Variants in MAP3K13 observed in about 807,000 individuals in gnomAD.
MAP3K13 encodes the protein leucine zipper-bearing kinase.
MAP3K13 carries 52 observed loss-of-function variants against 104.0 expected under a neutral mutation model. That is an observed-to-expected ratio of 0.50 (90% CI 0.40 to 0.63). The LOEUF (loss-of-function observed/expected upper bound fraction) is 0.63. Among genes scored for constraint, MAP3K13 ranks in the 20% least tolerant of loss-of-function variants. The pLI, the probability that MAP3K13 is intolerant of heterozygous loss-of-function variation, is 0.00. For synonymous variants in MAP3K13, 394 were observed against 442.2 expected (o/e 0.89, Z 1.37); for missense variants, 914 against 1,218.5 (o/e 0.75, Z 3.72).
intron 1 of MAP3K13, among the ~76,000 whole-genome samples, chr3:185,384,730 C>T (rs1188073729): frequency 1.3e-5 from 2 of 152,106 alleles, no homozygotes; most frequent in African/African-American, 2.4e-5. Context: ...TTCATATACC[C>T]ATTTGCTATT....
chr3:185,289,567 C>G (rs879488141), intron 2 of MAP3K13, among the ~76,000 whole-genome samples: 1 of 152,050 alleles, frequency 6.6e-6, no homozygotes, highest in Non-Finnish European at 1.5e-5. Context: ...AGACACAATT[C>G]TGATAGGCTT....
At chr3:185,300,128 C>G (rs1721048973) in intron 2 of MAP3K13, among the ~76,000 whole-genome samples, 1 of 151,378 alleles carries the variant, frequency 6.6e-6, no homozygotes, top group South Asian at 2.1e-4. Flanking sequence ...GTTCGTTTCA[C>G]TTAACACAGT....
intron 2 of MAP3K13, among the ~76,000 whole-genome samples, chr3:185,321,326 A>T (rs755578522): frequency 6.6e-6 from 1 of 152,226 alleles, no homozygotes; most frequent in Non-Finnish European, 1.5e-5. Context: ...GTATTGATTG[A>T]GGCTCAATGC....
intron 1 of MAP3K13, among the ~76,000 whole-genome samples, chr3:185,415,349 G>C (rs1285777016): frequency 6.6e-6 from 1 of 151,326 alleles, no homozygotes; most frequent in African/African-American, 2.4e-5. Flanking sequence ...ATAGAGATGG[G>C]GTTTTCTCAT....
intron 11 of MAP3K13, among the ~76,000 whole-genome samples, chr3:185,476,791 T>C (rs1718158373): frequency 6.6e-6 from 1 of 152,220 alleles, no homozygotes; most frequent in Non-Finnish European, 1.5e-5. Context: ...CAATTTTGTA[T>C]GCAGTATTGT....
intron 9 of MAP3K13, 124 bp from the exon 10 acceptor site, chr3:185,466,701 TA>T (rs758909645): frequency 2.0e-5 from 23 of 1,148,516 alleles, no homozygotes; most frequent in Non-Finnish European, 2.9e-5. Flanking sequence ...TAAACCTGAA[TA>T]GCAGTCTTGT....
intron 1 of MAP3K13, among the ~76,000 whole-genome samples, chr3:185,378,687 A>G (rs888370459): frequency 6.6e-6 from 1 of 152,144 alleles, no homozygotes; most frequent in African/African-American, 2.4e-5. Flanking sequence ...TGGAGACTGA[A>G]GGAACAGACA....
At chr3:185,335,595 G>A (rs558214948) in intron 2 of MAP3K13, among the ~76,000 whole-genome samples, 81 of 152,100 alleles carry the variant, frequency 5.3e-4, no homozygotes, top group African/African-American at 1.8e-3. Context: ...TTGGTTCCAC[G>A]ACCTCCTAGG....
At chr3:185,428,225 T>C (rs551599007) in intron 1 of MAP3K13, among the ~76,000 whole-genome samples, 1 of 152,294 alleles carries the variant, frequency 6.6e-6, no homozygotes, top group East Asian at 1.9e-4. Context: ...TCTTTTTTCT[T>C]GTATGTATGT....
chr3:185,466,775 A>T, intron 9 of MAP3K13, 51 bp from the exon 10 acceptor site: 1 of 1,608,244 alleles, frequency 6.2e-7, no homozygotes, highest in South Asian at 1.1e-5. Flanking sequence ...TATTCTGCCT[A>T]TCCTTTCTGT....
chr3:185,474,126 C>T (rs1266953040), intron 11 of MAP3K13, among the ~76,000 whole-genome samples: 1 of 152,012 alleles, frequency 6.6e-6, no homozygotes, highest in African/African-American at 2.4e-5. Flanking sequence ...AGTTCGAGAC[C>T]ATCCTGGCCA....
At chr3:185,341,284 A>G (rs1195760348) in intron 2 of MAP3K13, among the ~76,000 whole-genome samples, 1 of 152,204 alleles carries the variant, frequency 6.6e-6, no homozygotes, top group East Asian at 1.9e-4. Context: ...TATAGAGAAG[A>G]GGACCATGTA....
chr3:185,293,338 A>C (rs962645614), intron 2 of MAP3K13, among the ~76,000 whole-genome samples: 41 of 150,686 alleles, frequency 2.7e-4, no homozygotes, highest in African/African-American at 9.1e-4. Flanking sequence ...GGCTGGTCTC[A>C]AATTCCTGAC....
rs1560122176 is a variant in MAP3K13 at position 185,457,138 on chromosome 3, G to GC, written c.1278+5743_1278+5744insC. Among the ~76,000 whole-genome samples the GC allele has an allele frequency of 2.0e-5, 3 of 152,006 alleles. No homozygotes were observed. The East Asian group carries it at 5.8e-4, about 29-fold the overall frequency. ...TGTGCAGGGCAGCTAAGTTGCCACA[G>GC]TCGGGTTCCTCACCTGAACCGCTCC... On this transcript the variant is annotated intron_variant, in intron 7 of 13. Coordinates refer to ENST00000265026, the MANE Select transcript of MAP3K13 (RefSeq NM_004721.5).
At chr3:185,324,799 C>G (rs936793328) in intron 2 of MAP3K13, among the ~76,000 whole-genome samples, 1 of 96,726 alleles carries the variant, frequency 1.0e-5, no homozygotes, top group Non-Finnish European at 2.5e-5. Context: ...CACTAAGAAC[C>G]GGCACAATTA....
At chr3:185,471,032 G>A (rs928820380) in intron 10 of MAP3K13, among the ~76,000 whole-genome samples, 16 of 152,070 alleles carry the variant, frequency 1.1e-4, no homozygotes, top group African/African-American at 3.6e-4. Flanking sequence ...GAAATGAGAA[G>A]GAGCCAAATC....
chr3:185,291,418 T>C (rs185187624), intron 2 of MAP3K13, among the ~76,000 whole-genome samples: 98 of 152,348 alleles, frequency 6.4e-4, no homozygotes, highest in African/African-American at 2.2e-3. Flanking sequence ...AATGAACATA[T>C]TCAGCCATTT....
chr3:185,291,734 A>C, intron 2 of MAP3K13: 1 of 1,507,084 alleles, frequency 6.6e-7, no homozygotes, highest in East Asian at 2.5e-5. Context: ...TCTGCATTAA[A>C]GCTCTCCATT....
intron 5 of MAP3K13, 98 bp from the exon 6 acceptor site, chr3:185,449,802 T>C (rs564015545): frequency 1.1e-5 from 11 of 1,015,138 alleles, no homozygotes; most frequent in South Asian, 2.4e-5. Context: ...ATTTTAAAAC[T>C]GGGTATATGT....
Sources: gnomAD v4.1 joint callset for allele counts (sites outside exome capture counted in the v4.1 genomes callset) on GRCh38, gnomAD v4.1.1 for gene constraint, MANE v1.5 for transcripts, NCBI Gene and HGNC (gene_info 2026-07-23, HGNC 2026-07-21) for gene names.